Variants in KAT2A observed in about 807,000 individuals in gnomAD.
KAT2A encodes histone acetyltransferase KAT2A.
In KAT2A, 42 loss-of-function variants were observed where a neutral mutation model predicts 95.2. That is an observed-to-expected ratio of 0.44 (90% CI 0.34 to 0.57). KAT2A has a LOEUF of 0.57. Ranked by LOEUF, KAT2A falls within the 20% of genes least tolerant of loss-of-function variation. The pLI is 0.01. For synonymous variants in KAT2A, 449 were observed against 448.2 expected (o/e 1.00, Z -0.02); for missense variants, 784 against 1,126.3 (o/e 0.70, Z 4.35).
Position 42,121,089 on chromosome 17 carries a change from G to A in KAT2A, c.216C>T (p.Ser72=), listed in dbSNP as rs781988959. 5.8e-5 allele frequency: 90 copies of A among 1,544,896 alleles called. No individual in the cohort carries two copies. The Middle Eastern group carries it at 6.7e-4, about 12-fold the overall frequency. ...GPGVGSGGAG[S]GGDPARPGLS... is the part of the protein sequence containing the mutation. ...GGCCAGGTCGAGCCGGATCCCCCCC[G>A]CTCCCGGCCCCCCCACTTCCTACCC... Residue 72 remains serine (S), a synonymous_variant, in exon 1 of 18, where the codon AGC becomes AGT. Transcript: ENST00000225916.
chr17:42,118,968 T>G (rs2054299108), intron 6 of KAT2A: 1 of 1,197,846 alleles, frequency 8.3e-7, no homozygotes. Flanking sequence ...AGTCTGAGGC[T>G]GTGTCCAGGC....
rs1175705915 is a variant in KAT2A at position 42,119,031 on chromosome 17, C to T, written c.1073+214G>A. 3 of 1,378,100 alleles carry T rather than the reference C, an allele frequency of 2.2e-6. No homozygotes were observed. Among genetic ancestry groups the T allele is most frequent in the Non-Finnish European group, 2.8e-6 (3 of 1,068,106 alleles). 85.4% of individuals were successfully genotyped at this position (1,378,100 alleles called of 1,614,324 possible). A position where few individuals can be genotyped will look rare whatever the true frequency, so the allele number is the denominator to read the frequency against. On this transcript the variant is annotated intron_variant, in intron 6 of 17. Coordinates refer to ENST00000225916, the MANE Select transcript of KAT2A (RefSeq NM_021078.3). This position sits in a 1 kb window ranked among gnomAD's most constrained non-coding sequence, Gnocchi z 5.3. ...ACTGGGGCGTAGGGTCGGGTGGGGG[C>T]AGCGTTAGCTTGGGCTATGTACCTG... is the stretch of plus-strand genomic sequence containing the variant.
chr17:42,117,348 G>T lies in KAT2A; in HGVS notation c.1637+40C>A. ...AAGAGGCCGAGGAGGAAGGGAACTG[G>T]GTGTGCTGCCCTGGGGGAGGGGCTC... On this transcript the variant is annotated intron_variant, in intron 10 of 17. Transcript: ENST00000225916. The surrounding 1 kb of genome is among the most constrained non-coding windows in gnomAD (Gnocchi z 8.9). 1 of 1,599,462 alleles carries T rather than the reference G, an allele frequency of 6.3e-7. No individual in the cohort carries two copies. The highest frequency in any genetic ancestry group is 8.6e-7 in the Non-Finnish European group (1 of 1,168,188).
Position 42,114,098 on chromosome 17 carries a change from C to A in KAT2A, c.2236-14G>T. The A allele has an allele frequency of 1.3e-6, 2 of 1,554,904 alleles. No individual in the cohort carries two copies. The highest frequency in any genetic ancestry group is 1.7e-6 in the Non-Finnish European group (2 of 1,156,384). On this transcript the variant is annotated splice_polypyrimidine_tract_variant and intron_variant, in intron 16 of 17. Coordinates refer to ENST00000225916, the MANE Select transcript of KAT2A (RefSeq NM_021078.3). The surrounding 1 kb of genome is among the most constrained non-coding windows in gnomAD (Gnocchi z 6.0). ...ACTGGGGTGAGACTGGAGAGAAGAG[C>A]CGGGCTGGGGACAGCCCTGCTGCGC...
At position 42,114,749 on chromosome 17, in the gene KAT2A, G is replaced by A; in HGVS notation, c.2019+143C>T. ...CCCTCATAACTTCCCCAAGGGAGCA[G>A]AGCAAGAGCCAAGATCCTGGCCTGC... On this transcript the variant is annotated intron_variant, in intron 13 of 17. Transcript: ENST00000225916. The surrounding 1 kb of genome is among the most constrained non-coding windows in gnomAD (Gnocchi z 6.0). The A allele has an allele frequency of 8.4e-7, 1 of 1,195,468 alleles. No individual in the cohort carries two copies. The highest frequency in any genetic ancestry group is 1.4e-5 in the South Asian group (1 of 73,782). 74.1% of individuals were successfully genotyped at this position (1,195,468 alleles called of 1,614,324 possible).
chr17:42,116,999 C>T (rs202179918), intron 11 of KAT2A, 36 bp downstream of exon 11: 11 of 1,611,368 alleles, frequency 6.8e-6, no homozygotes, highest in East Asian at 6.7e-5. Flanking sequence ...AGGAGTGGGC[C>T]GTGGACTGGG....
Position 42,121,129 on chromosome 17 carries a change from C to A in KAT2A, c.176G>T (p.Gly59Val). The change falls in exon 1 of 18, where the codon GGG (glycine) becomes GTG (valine). Residue 59 changes from glycine (G) to valine (V), a missense_variant. Physicochemically the swap from Gly to Val is moderately radical, Grantham distance 109 (BLOSUM62 -3). This residue lies in a region of KAT2A where 142 missense variants were observed against 123.2 expected (regional missense o/e 1.15). Transcript: ENST00000225916. ...APAAAPAGST[G>V]TGGPGVGSGG... ...ACTTCCTACCCCGGGCCCCCCAGTC[C>A]CTGTGCTGCCGGCTGGGGCTGCAGC... is the stretch of plus-strand genomic sequence containing the variant. The A allele has an allele frequency of 6.7e-7, 1 of 1,501,668 alleles. No individual in the cohort carries two copies. The highest frequency in any genetic ancestry group is 1.2e-5 in the South Asian group (1 of 80,728). 93.0% of individuals were successfully genotyped at this position (1,501,668 alleles called of 1,614,324 possible). A position where few individuals can be genotyped will look rare whatever the true frequency, so the allele number is the denominator to read the frequency against.
rs782527099 is a variant in KAT2A, at chr17:42,117,546, C to A, written c.1479G>T (p.Glu493Asp). ...NAARDETARL[E>D]ERRGIIEFHV... is the part of the protein sequence containing the mutation. ...GGAACTCGATGATGCCGCGGCGCTC[C>A]TCCAGGCGGGCTGTCTCATCCCGGG... is the stretch of plus-strand genomic sequence containing the variant. Residue 493 changes from glutamate to aspartate, a missense_variant, in exon 10 of 18, where the codon GAG becomes GAT. By Grantham distance (45) the Glu-to-Asp change is conservative. Coordinates refer to ENST00000225916, the MANE Select transcript of KAT2A (RefSeq NM_021078.3). This position sits in a 1 kb window ranked among gnomAD's most constrained non-coding sequence, Gnocchi z 8.9. 6.2e-7 allele frequency: 1 copy of A among 1,613,444 alleles called. No individual in the cohort carries two copies. The highest frequency in any genetic ancestry group is 8.5e-7 in the Non-Finnish European group (1 of 1,180,044).
chr17:42,117,583 G>A lies in KAT2A; in HGVS notation c.1442C>T (p.Ser481Leu), dbSNP rs1555666262. 2 of 1,612,580 alleles carry A rather than the reference G, an allele frequency of 1.2e-6. No individual in the cohort carries two copies. The highest frequency in any genetic ancestry group is 8.5e-7 in the Non-Finnish European group (1 of 1,179,558). ...TGTCTCATCCCGGGCCGCATTGGCC[G>A]AAAGCAGGCTCGTCTGGGCACAGAA... Reference protein sequence around the residue: ...AMLGPETSLLSANAARDETAR... With the variant: ...AMLGPETSLLLANAARDETAR... Residue 481 changes from serine (S) to leucine (L), a missense_variant, in exon 10 of 18, where the codon TCG becomes TTG. Physicochemically the swap from Ser to Leu is moderately radical, Grantham distance 145. Transcript: ENST00000225916. The surrounding 1 kb of genome is among the most constrained non-coding windows in gnomAD (Gnocchi z 8.9).
Position 42,118,360 on chromosome 17 carries a change from G to A in KAT2A, c.1117C>T (p.Pro373Ser), listed in dbSNP as rs372177431. 6.2e-7 allele frequency: 1 copy of A among 1,613,902 alleles called. No homozygotes were observed. Among genetic ancestry groups the A allele is most frequent in the Non-Finnish European group, 8.5e-7 (1 of 1,179,876 alleles). The change falls in exon 7 of 18, where the codon CCA becomes TCA. Residue 373 changes from proline to serine, a missense_variant. Pro to Ser is a moderately conservative substitution (Grantham distance 74). Around this residue, in one of 6 missense-constraint regions of KAT2A, gnomAD observed 63 missense variants for 70.1 expected, o/e 0.90. Coordinates refer to ENST00000225916, the MANE Select transcript of KAT2A (RefSeq NM_021078.3). Reference sequence around the variant, plus strand: ...ATGGTGAAGCCTGACTCCCAGATTGGAGAGTTTGCCCCATAGATCTCCTCC... The same window carrying A: ...ATGGTGAAGCCTGACTCCCAGATTGAAGAGTTTGCCCCATAGATCTCCTCC... The part of the protein sequence containing the change: ...LEEEIYGANS[P>S]IWESGFTMPP...
At chr17:42,116,934 G>A (rs537970234) in intron 11 of KAT2A, 101 bp downstream of exon 11, 418 of 1,422,072 alleles carry the variant, frequency 2.9e-4, no homozygotes, top group Middle Eastern at 1.0e-3. Context: ...ACTAAGAGAA[G>A]AGCAACGGGC....
At position 42,120,788 on chromosome 17, in the gene KAT2A, C is replaced by G; in HGVS notation, c.381G>C (p.Lys127Asn). 6.2e-7 allele frequency: 1 copy of G among 1,613,656 alleles called. No individual in the cohort carries two copies. Residue 127 changes from lysine (K) to asparagine (N), a missense_variant, in exon 2 of 18, where the codon AAG becomes AAC. This residue lies in a region of KAT2A where 208 missense variants were observed against 339.7 expected (regional missense o/e 0.61). Transcript: ENST00000225916. ...TCKCNGWKNP[K>N]PPTAPRMDLQ... ...GATCCATGCGGGGTGCAGTGGGGGG[C>G]TTGGGGTTTTTCCAGCCATTACACT...
At position 42,117,351 on chromosome 17, in the gene KAT2A, G is replaced by A; in HGVS notation, c.1637+37C>T. ...AGGCCGAGGAGGAAGGGAACTGGGT[G>A]TGCTGCCCTGGGGGAGGGGCTCTCT... On this transcript the variant is annotated intron_variant, in intron 10 of 17. Coordinates refer to ENST00000225916, the MANE Select transcript of KAT2A (RefSeq NM_021078.3). The surrounding 1 kb of genome is among the most constrained non-coding windows in gnomAD (Gnocchi z 8.9). The A allele has an allele frequency of 1.2e-6, 2 of 1,603,530 alleles. No homozygotes were observed. Among genetic ancestry groups the A allele is most frequent in the Non-Finnish European group, 1.7e-6 (2 of 1,171,710 alleles).
At chr17:42,118,061 G>GGA (rs782029955) in intron 7 of KAT2A, 44 bp from the exon 8 acceptor site, 38 of 1,341,892 alleles carry the variant, frequency 2.8e-5, no homozygotes, top group Admixed American at 4.0e-5. Flanking sequence ...CTGAAGCTGA[G>GGA]GAGAGAGAGA....
rs1555666350 is a variant in KAT2A, at chr17:42,117,782, G to A, written c.1324C>T (p.Leu442=). Residue 442 remains leucine, a synonymous_variant, in exon 9 of 18, where the codon CTG becomes TTG. Coordinates refer to ENST00000225916, the MANE Select transcript of KAT2A (RefSeq NM_021078.3). This position sits in a 1 kb window ranked among gnomAD's most constrained non-coding sequence, Gnocchi z 8.9. ...ACACGGAGCCGCTTGGCATCCTCCA[G>A]GGTCAGGTTCTCTGGGAGCGTCCTC... ...EKRTLPENLT[L]EDAKRLRVMG... 1 of 1,614,074 alleles carries A rather than the reference G, an allele frequency of 6.2e-7. No homozygotes were observed. Among genetic ancestry groups the A allele is most frequent in the Non-Finnish European group, 8.5e-7 (1 of 1,179,926 alleles).
Position 42,121,086 on chromosome 17 carries a change from C to T in KAT2A, c.219G>A (p.Gly73=), listed in dbSNP as rs1555667234. The T allele has an allele frequency of 1.9e-6, 3 of 1,551,082 alleles. No homozygotes were observed. Among genetic ancestry groups the T allele is most frequent in the African/African-American group, 1.4e-5 (1 of 73,810 alleles). The part of the protein sequence containing the change: ...PGVGSGGAGS[G]GDPARPGLSQ... ...TCAGGCCAGGTCGAGCCGGATCCCC[C>T]CCGCTCCCGGCCCCCCCACTTCCTA... is the stretch of plus-strand genomic sequence containing the variant. Residue 73 remains glycine, a synonymous_variant, in exon 1 of 18, where the codon GGG becomes GGA. Coordinates refer to ENST00000225916, the MANE Select transcript of KAT2A (RefSeq NM_021078.3).
chr17:42,121,041 A>C lies in KAT2A; in HGVS notation c.264T>G (p.Ser88Arg). The C allele has an allele frequency of 6.3e-7, 1 of 1,589,980 alleles. No individual in the cohort carries two copies. The highest frequency in any genetic ancestry group is 8.5e-7 in the Non-Finnish European group (1 of 1,170,246). ...RPGLSQQQRA[S>R]QRKAQVRGLP... ...GCCCCCGGACTTGCGCCTTCCTCTG[A>C]CTGGCGCGCTGCTGCTGGCTCAGGC... The change falls in exon 1 of 18, where the codon AGT becomes AGG. Residue 88 changes from serine to arginine, a missense_variant. This residue lies in a region of KAT2A where 208 missense variants were observed against 339.7 expected (regional missense o/e 0.61). Coordinates refer to ENST00000225916, the MANE Select transcript of KAT2A (RefSeq NM_021078.3).
Position 42,117,308 on chromosome 17 carries a change from C to A in KAT2A, c.1637+80G>T. On this transcript the variant is annotated intron_variant, in intron 10 of 17. Transcript: ENST00000225916. This position sits in a 1 kb window ranked among gnomAD's most constrained non-coding sequence, Gnocchi z 8.9. ...TCAGAAGTGGGGAGCAGGGGATCCC[C>A]AATTTTGAGGAGTGAAGAGGCCGAG... The A allele has an allele frequency of 6.4e-7, 1 of 1,564,390 alleles. No individual in the cohort carries two copies. The highest frequency in any genetic ancestry group is 8.8e-7 in the Non-Finnish European group (1 of 1,141,530).
In KAT2A at chr17:42,113,757, G is replaced by A. The variant is rs1555665186; in HGVS notation, c.2406C>T (p.Ala802=). 4 of 1,610,406 alleles carry A rather than the reference G, an allele frequency of 2.5e-6. No individual in the cohort carries two copies. The highest frequency in any genetic ancestry group is 2.5e-6 in the Non-Finnish European group (3 of 1,178,896). Residue 802 remains alanine (A), a synonymous_variant, in exon 18 of 18, where the codon GCC becomes GCT. Coordinates refer to ENST00000225916, the MANE Select transcript of KAT2A (RefSeq NM_021078.3). The part of the protein sequence containing the change: ...LFVADLQRVI[A]NCREYNPPDS... ...CCGGGGGGTTGTACTCGCGACAGTT[G>A]GCGATGACCCGCTGCAGGTCGGCCA...
Sources: allele counts gnomAD v4.1 joint callset, GRCh38; gene constraint gnomAD v4.1.1; regional missense constraint gnomAD v4.1.1; non-coding constraint Gnocchi (gnomAD v3.1); transcripts MANE v1.5; gene names NCBI Gene and HGNC (gene_info 2026-07-23, HGNC 2026-07-21).